The following SCMH1 variants were observed in gnomAD, a reference collection of about 807,000 sequenced individuals.
SCMH1 encodes polycomb protein SCMH1.
A neutral mutation model predicts 70.8 loss-of-function variants in SCMH1; 37 were observed. That is an observed-to-expected ratio of 0.52 (90% CI 0.40 to 0.69). SCMH1 has a LOEUF of 0.69. Ranked by LOEUF, SCMH1 falls within the 30% of genes least tolerant of loss-of-function variation. The probability of loss-of-function intolerance (pLI) is 0.00; values close to 1 mark genes in which losing one functional copy is unlikely to be tolerated. For synonymous variants in SCMH1, 292 were observed against 307.4 expected, an observed-to-expected ratio of 0.95 and a Z score of 0.52; for missense variants, 607 against 827.3, an observed-to-expected ratio of 0.73 and a Z score of 3.27.
chr1:41,215,354 A>T (rs1331411009), intron 1 of SCMH1, among the ~76,000 whole-genome samples: 1 of 152,196 alleles, frequency 6.6e-6, no homozygotes, highest in Non-Finnish European at 1.5e-5. Context: ...GTACCCTACA[A>T]GATAAAATCC....
chr1:41,132,532 A>T (rs868491023), intron 6 of SCMH1, among the ~76,000 whole-genome samples: 10 of 152,270 alleles, frequency 6.6e-5, no homozygotes, highest in Middle Eastern at 3.4e-3. Context: ...TTTGCTGTGC[A>T]GAAGTTCTTT....
chr1:41,082,495 C>G (rs1309655198), intron 8 of SCMH1, among the ~76,000 whole-genome samples: 1 of 152,130 alleles, frequency 6.6e-6, no homozygotes, highest in Non-Finnish European at 1.5e-5. Flanking sequence ...AAATAAAATA[C>G]TTTACAGACA....
intron 9 of SCMH1, among the ~76,000 whole-genome samples, chr1:41,072,814 A>C (rs1263830125): frequency 6.6e-6 from 1 of 152,152 alleles, no homozygotes; most frequent in Non-Finnish European, 1.5e-5. Flanking sequence ...TGCAGTAAAC[A>C]ATGATTGTGC....
intron 9 of SCMH1, among the ~76,000 whole-genome samples, chr1:41,072,072 C>T (rs961089083): frequency 3.3e-5 from 5 of 152,206 alleles, no homozygotes; most frequent in Admixed American, 2.0e-4. Flanking sequence ...ATCAACCTGT[C>T]TGCCTTCTAG....
intron 8 of SCMH1, among the ~76,000 whole-genome samples, chr1:41,080,454 A>G (rs1659655341): frequency 6.6e-6 from 1 of 152,132 alleles, no homozygotes; most frequent in Non-Finnish European, 1.5e-5. Context: ...AATATCCCTC[A>G]TGAACATACA....
intron 1 of SCMH1, among the ~76,000 whole-genome samples, chr1:41,186,659 G>A (rs982782524): frequency 5.3e-5 from 8 of 152,172 alleles, no homozygotes; most frequent in Non-Finnish European, 8.8e-5. Flanking sequence ...GGCATTTAAG[G>A]AGGTAATTAA....
intron 8 of SCMH1, among the ~76,000 whole-genome samples, chr1:41,107,526 T>C (rs1008410807): frequency 6.6e-6 from 1 of 151,948 alleles, no homozygotes; most frequent in African/African-American, 2.4e-5. Flanking sequence ...GATTACATTT[T>C]TTTTTCTTTC....
intron 13 of SCMH1, among the ~76,000 whole-genome samples, chr1:41,034,773 C>T (rs1363315074): frequency 6.6e-6 from 1 of 152,178 alleles, no homozygotes; most frequent in Non-Finnish European, 1.5e-5. Context: ...TCTAGACCAT[C>T]CTCCTATGAA....
intron 1 of SCMH1, among the ~76,000 whole-genome samples, chr1:41,220,380 T>G (rs1302374070): frequency 6.6e-6 from 1 of 152,256 alleles, no homozygotes; most frequent in Non-Finnish European, 1.5e-5. Context: ...CCAAATAATG[T>G]TATGTGAACT....
At chr1:41,142,933 T>G (rs1360996779) in exon 6 of SCMH1, 1 of 1,614,178 alleles carries the variant, frequency 6.2e-7, no homozygotes, top group East Asian at 2.2e-5. Context: ...TAGGCTGGAT[T>G]TCAGCTGAGT....
At chr1:41,221,357 C>T (rs1482743391) in intron 1 of SCMH1, among the ~76,000 whole-genome samples, 1 of 152,050 alleles carries the variant, frequency 6.6e-6, no homozygotes, top group Non-Finnish European at 1.5e-5. Flanking sequence ...TGTGAATGTA[C>T]TTAATGCCAC....
At chr1:41,239,489 C>T (rs1663064613) in intron 1 of SCMH1, among the ~76,000 whole-genome samples, 1 of 152,240 alleles carries the variant, frequency 6.6e-6, no homozygotes, top group South Asian at 2.1e-4. Context: ...GCGTAGTTCT[C>T]ATCTTTTATT....
intron 13 of SCMH1, 42 bp downstream of exon 14, chr1:41,033,941 G>A (rs1471189281): frequency 1.2e-6 from 2 of 1,613,338 alleles, no homozygotes; most frequent in Non-Finnish European, 8.5e-7. Context: ...CTCAGAAACA[G>A]GGCCTTGGGG....
At chr1:41,028,751 A>G (rs1256832218) in intron 13 of SCMH1, 25 bp from the exon 15 acceptor site, 1 of 1,612,542 alleles carries the variant, frequency 6.2e-7, no homozygotes, top group Non-Finnish European at 8.5e-7. Context: ...GGCACCTACC[A>G]TAAAGGGCGG....
intron 2 of SCMH1, among the ~76,000 whole-genome samples, chr1:41,182,741 C>G (rs977970289): frequency 1.3e-4 from 19 of 151,688 alleles, no homozygotes; most frequent in Non-Finnish European, 2.7e-4. Context: ...ACAAAAAAAA[C>G]AATGAAAAAG....
intron 12 of SCMH1, among the ~76,000 whole-genome samples, chr1:41,044,272 C>T (rs1019095258): frequency 6.6e-6 from 1 of 151,948 alleles, no homozygotes; most frequent in African/African-American, 2.4e-5. Context: ...CTAGCAGAAG[C>T]GTGTAGCCAG....
chr1:41,141,209 T>C (rs1481758782), intron 6 of SCMH1, among the ~76,000 whole-genome samples: 1 of 152,252 alleles, frequency 6.6e-6, no homozygotes, highest in African/African-American at 2.4e-5. Flanking sequence ...ATATGAATTA[T>C]AGATTTAAAT....
At chr1:41,077,965 A>C (rs899628461) in intron 8 of SCMH1, among the ~76,000 whole-genome samples, 1 of 152,228 alleles carries the variant, frequency 6.6e-6, no homozygotes, top group African/African-American at 2.4e-5. Flanking sequence ...AATGGAACAA[A>C]CAAACAGATT....
At chr1:41,220,286 G>A (rs185132519) in intron 1 of SCMH1, among the ~76,000 whole-genome samples, 382 of 152,318 alleles carry the variant, frequency 2.5e-3, no homozygotes, top group Non-Finnish European at 3.5e-3. Flanking sequence ...GGCAGCAGTT[G>A]AAGGAGTTTT....
Sources: allele counts gnomAD v4.1 joint callset (sites outside exome capture counted in the v4.1 genomes callset), GRCh38; gene constraint gnomAD v4.1.1; transcripts MANE v1.5; gene names NCBI Gene and HGNC (gene_info 2026-07-23, HGNC 2026-07-21).